ATG5: variants seen among roughly 807,000 people sequenced by gnomAD.
The protein encoded by ATG5 is autophagy related 5, also known as autophagy protein 5.
In ATG5, 14 loss-of-function variants were observed where a neutral mutation model predicts 36.5. The ratio of observed to expected loss-of-function variants is 0.38; its 90% CI spans 0.25 to 0.60. The LOEUF (loss-of-function observed/expected upper bound fraction) is 0.60, where lower values mean the gene tolerates loss of function less well. Among genes scored for constraint, ATG5 ranks in the 20% least tolerant of loss-of-function variants. The pLI is 0.60. For synonymous variants in ATG5, 95 were observed against 101.5 expected (o/e 0.94, Z 0.38); for missense variants, 195 against 326.7 (o/e 0.60, Z 3.11).
rs954033432 is a variant in ATG5 at position 106,240,945 on chromosome 6, G to A, written c.573+7205C>T. Among the ~76,000 whole-genome samples the A allele has an allele frequency of 2.2e-4, 33 of 152,158 alleles. 1 individual carries two copies. The highest frequency in any genetic ancestry group is 6.8e-4 in the African/African-American group (28 of 41,436). On this transcript the variant is annotated intron_variant, in intron 6 of 7. Coordinates refer to ENST00000369076, the MANE Select transcript of ATG5 (RefSeq NM_004849.4). ...AAGCAGGCGGATCACTTGAGGCCAG[G>A]AGTTCGAGACCAGCCTGGCCAACAT...
intron 6 of ATG5, among the ~76,000 whole-genome samples, chr6:106,237,525 A>G (rs1218736600): frequency 6.6e-6 from 1 of 152,224 alleles, no homozygotes; most frequent in Non-Finnish European, 1.5e-5. Flanking sequence ...TTAAAAAATA[A>G]TACTTGCCTT....
At chr6:106,304,704 A>G (rs1770367676) in intron 3 of ATG5, among the ~76,000 whole-genome samples, 1 of 152,176 alleles carries the variant, frequency 6.6e-6, no homozygotes, top group Non-Finnish European at 1.5e-5. Flanking sequence ...AGTACCAGGG[A>G]ATTTTGTGAA....
At chr6:106,303,821 T>C (rs1234826952) in intron 3 of ATG5, among the ~76,000 whole-genome samples, 1 of 152,020 alleles carries the variant, frequency 6.6e-6, no homozygotes, top group African/African-American at 2.4e-5. Flanking sequence ...ATCATATAAT[T>C]AGCACAGAAA....
chr6:106,190,230 G>T (rs1775920630), intron 7 of ATG5, among the ~76,000 whole-genome samples: 2 of 152,128 alleles, frequency 1.3e-5, no homozygotes, highest in African/African-American at 4.8e-5. Flanking sequence ...CACAGTTCTG[G>T]AGGCTGGAAA....
intron 6 of ATG5, among the ~76,000 whole-genome samples, chr6:106,215,668 A>AT: frequency 6.6e-6 from 1 of 152,092 alleles, no homozygotes; most frequent in Non-Finnish European, 1.5e-5. Context: ...TAAAAAAAAT[A>AT]TAAGAGGAAA....
chr6:106,228,554 G>C (rs181458752), intron 6 of ATG5, among the ~76,000 whole-genome samples: 1 of 152,058 alleles, frequency 6.6e-6, no homozygotes, highest in Non-Finnish European at 1.5e-5. Context: ...AAGAACCCCA[G>C]GTCAGAGAAC....
chr6:106,240,892 C>T (rs1284579872), intron 6 of ATG5, among the ~76,000 whole-genome samples: 1 of 152,350 alleles, frequency 6.6e-6, no homozygotes, highest in African/African-American at 2.4e-5. Context: ...GTGGCTCATG[C>T]CCGTAATCCC....
At chr6:106,242,434 CAG>C (rs887878873) in intron 6 of ATG5, among the ~76,000 whole-genome samples, 58 of 152,188 alleles carry the variant, frequency 3.8e-4, no homozygotes, top group African/African-American at 1.3e-3. Flanking sequence ...AATGGGGAAA[CAG>C]AGAGTTGTTT....
chr6:106,278,777 G>A (rs531498664), intron 5 of ATG5, among the ~76,000 whole-genome samples: 165 of 152,230 alleles, frequency 1.1e-3, no homozygotes, highest in African/African-American at 3.9e-3. Flanking sequence ...GAGGCAACAC[G>A]ACTATGTGCT....
intron 7 of ATG5, among the ~76,000 whole-genome samples, chr6:106,198,891 T>C (rs753861489): frequency 6.6e-5 from 10 of 151,682 alleles, no homozygotes; most frequent in African/African-American, 2.4e-4. Flanking sequence ...CCAGAATATA[T>C]AAATAATGCT....
intron 6 of ATG5, among the ~76,000 whole-genome samples, chr6:106,246,384 TCTCTCTCTCACACACACA>T (rs1487841826): frequency 4.5e-4 from 44 of 96,968 alleles, no homozygotes; most frequent in African/African-American, 2.0e-3. Context: ...TCTCTCTCTC[TCTCTCTCTCACACACACA>T]CACACACACA....
chr6:106,190,800 T>C (rs1422404381), intron 7 of ATG5, among the ~76,000 whole-genome samples: 2 of 151,968 alleles, frequency 1.3e-5, no homozygotes, highest in Admixed American at 6.5e-5. Context: ...TTAATGGAAA[T>C]CACAAAGTTA....
intron 6 of ATG5, among the ~76,000 whole-genome samples, chr6:106,244,764 C>T (rs1298762820): frequency 1.3e-5 from 2 of 152,202 alleles, no homozygotes; most frequent in Non-Finnish European, 2.9e-5. Flanking sequence ...TAGCACAGGG[C>T]ATGGCAGGCA....
chr6:106,235,862 T>A (rs1018224567), intron 6 of ATG5, among the ~76,000 whole-genome samples: 2 of 151,978 alleles, frequency 1.3e-5, no homozygotes, highest in Admixed American at 6.6e-5. Flanking sequence ...ATAAAAGGAA[T>A]ACATTTTAAG....
intron 7 of ATG5, among the ~76,000 whole-genome samples, chr6:106,197,008 C>T (rs1021859112): frequency 3.9e-5 from 6 of 152,318 alleles, no homozygotes; most frequent in Middle Eastern, 3.4e-3. Context: ...AGACCCCCCA[C>T]TTATATAAAC....
intron 5 of ATG5, among the ~76,000 whole-genome samples, chr6:106,277,324 T>C (rs1235544008): frequency 3.9e-5 from 6 of 152,234 alleles, no homozygotes; most frequent in Non-Finnish European, 7.4e-5. Flanking sequence ...ACTAACTCCC[T>C]GGCCAAAAAC....
intron 3 of ATG5, among the ~76,000 whole-genome samples, chr6:106,306,874 T>C (rs1295566741): frequency 1.3e-5 from 2 of 152,190 alleles, no homozygotes; most frequent in Non-Finnish European, 2.9e-5. Context: ...ATGGGAAGCA[T>C]TGCCTTATCT....
At position 106,309,620 on chromosome 6, in the gene ATG5, T is replaced by C. The variant is rs200696325; in HGVS notation, c.109-1129A>G. ...ATTTAATATAAGAAAAAGCAGTTTT[T>C]CCCCCACAGGAAGTATTATCGCCCC... On this transcript the variant is annotated intron_variant, in intron 2 of 7. Coordinates refer to ENST00000369076, the MANE Select transcript of ATG5 (RefSeq NM_004849.4). Among the ~76,000 whole-genome samples, 232 of 152,216 alleles carry C rather than the reference T, an allele frequency of 1.5e-3. 9 individuals are homozygous for C. The East Asian group carries it at 0.038, about 25-fold the overall frequency.
chr6:106,308,334 AT>A lies in ATG5; in HGVS notation c.236+29del, dbSNP rs749768574. On this transcript the variant is annotated intron_variant, in intron 3 of 7. Transcript: ENST00000369076. ...CCTTTTTAAAGCTAGTATATACTTA[AT>A]GCTTAATAATGCAGAAAAATTCACT... 5 of 1,532,302 alleles carry A rather than the reference AT, an allele frequency of 3.3e-6. No individual in the cohort carries two copies. The African/African-American group carries it at 7.1e-5, about 22-fold the overall frequency. The allele number at this position is 1,532,302 out of a possible 1,614,324, so 94.9% of individuals were successfully genotyped here. A position where few individuals can be genotyped will look rare whatever the true frequency, so the allele number is the denominator to read the frequency against.
Sources: allele counts gnomAD v4.1 joint callset (sites outside exome capture counted in the v4.1 genomes callset), GRCh38; gene constraint gnomAD v4.1.1; transcripts MANE v1.5; gene names NCBI Gene and HGNC (gene_info 2026-07-23, HGNC 2026-07-21).